CACNA2D3: variants seen among roughly 807,000 people sequenced by gnomAD.
CACNA2D3 encodes voltage-dependent calcium channel subunit alpha-2/delta-3.
In CACNA2D3, 60 loss-of-function variants were observed where a neutral mutation model predicts 160.6. The observed-to-expected ratio is 0.37, with a 90% CI of 0.30 to 0.46. CACNA2D3 has a LOEUF of 0.46. Ranked by LOEUF, CACNA2D3 falls within the 20% of genes least tolerant of loss-of-function variation. The pLI, the probability that CACNA2D3 is intolerant of heterozygous loss-of-function variation, is 1.00. For synonymous variants in CACNA2D3, 558 were observed against 492.9 expected (o/e 1.13, Z -1.75); for missense variants, 1,205 against 1,365.0 (o/e 0.88, Z 1.85).
chr3:54,917,681 C>T (rs17054551), intron 27 of CACNA2D3, among the ~76,000 whole-genome samples: 19,443 of 152,224 alleles, frequency 0.13, 1,269 homozygotes, highest in Middle Eastern at 0.16. Context: ...GTTCCAATCC[C>T]TTGGTGGATA....
intron 4 of CACNA2D3, 58 bp from the exon 5 acceptor site, chr3:54,503,434 T>C: frequency 6.6e-7 from 1 of 1,520,866 alleles, no homozygotes; most frequent in South Asian, 1.1e-5. Flanking sequence ...CAGGTCTAAG[T>C]GAGTTCACAG....
At chr3:54,127,323 T>G (rs2107246896) in intron 2 of CACNA2D3, among the ~76,000 whole-genome samples, 1 of 152,358 alleles carries the variant, frequency 6.6e-6, no homozygotes, top group South Asian at 2.1e-4. Context: ...GTTTTTTACA[T>G]TATCAACTAT....
chr3:54,720,959 C>T (rs1337685678), intron 11 of CACNA2D3, among the ~76,000 whole-genome samples: 1 of 152,044 alleles, frequency 6.6e-6, no homozygotes, highest in Non-Finnish European at 1.5e-5. Flanking sequence ...TTTAATCTTA[C>T]CTATAATCTT....
intron 4 of CACNA2D3, among the ~76,000 whole-genome samples, chr3:54,415,524 T>A (rs139125403): frequency 3.8e-4 from 58 of 152,328 alleles, no homozygotes; most frequent in African/African-American, 1.3e-3. Context: ...TTCTTCCAAT[T>A]AAAAATTATT....
rs534949055 is a variant in CACNA2D3 at position 54,971,979 on chromosome 3, A to G, written c.2556+2135A>G. ...GGTATGGCTCCTGGAAATGATAAGC[A>G]TTCAATAAATGTTGTTTATAAATTT... is the stretch of plus-strand genomic sequence containing the variant. On this transcript the variant is annotated intron_variant, in intron 29 of 37. Transcript: ENST00000474759. 1.3e-4 allele frequency among the ~76,000 whole-genome samples: 20 copies of G among 151,766 alleles called. No individual in the cohort carries two copies. The South Asian group carries it at 2.5e-3, about 19-fold the overall frequency.
intron 3 of CACNA2D3, among the ~76,000 whole-genome samples, chr3:54,333,381 T>C (rs1259061265): frequency 6.6e-6 from 1 of 152,060 alleles, no homozygotes; most frequent in Non-Finnish European, 1.5e-5. Flanking sequence ...TCTGCACTGC[T>C]CATTGGCCGC....
At chr3:54,728,261 T>G (rs1575444473) in intron 11 of CACNA2D3, among the ~76,000 whole-genome samples, 1 of 152,284 alleles carries the variant, frequency 6.6e-6, no homozygotes, top group South Asian at 2.1e-4. Context: ...TTTTGCTTCT[T>G]CTTTGTTGTC....
chr3:54,674,612 G>GTT (rs1700208998), intron 11 of CACNA2D3, among the ~76,000 whole-genome samples: 1 of 152,282 alleles, frequency 6.6e-6, no homozygotes, highest in South Asian at 2.1e-4. Flanking sequence ...GGTTTAAAGG[G>GTT]TTGGGGTTCA....
At chr3:54,645,141 C>T (rs76251914) in intron 11 of CACNA2D3, among the ~76,000 whole-genome samples, 1 of 152,170 alleles carries the variant, frequency 6.6e-6, no homozygotes, top group Non-Finnish European at 1.5e-5. Context: ...AGGAAACTTA[C>T]AATCATGGCA....
chr3:54,132,048 A>G (rs565808750), intron 2 of CACNA2D3, among the ~76,000 whole-genome samples: 2 of 152,262 alleles, frequency 1.3e-5, no homozygotes, highest in Non-Finnish European at 2.9e-5. Context: ...CGCGAGTCAT[A>G]ACATCCAGCT....
intron 35 of CACNA2D3, among the ~76,000 whole-genome samples, chr3:55,027,014 C>T (rs1397765445): frequency 6.6e-6 from 1 of 152,200 alleles, no homozygotes; most frequent in Non-Finnish European, 1.5e-5. Context: ...CACGCACACA[C>T]GCTGGTCCTA....
chr3:54,685,057 G>A (rs1426211249), intron 11 of CACNA2D3, among the ~76,000 whole-genome samples: 3 of 152,158 alleles, frequency 2.0e-5, no homozygotes, highest in Non-Finnish European at 2.9e-5. Context: ...CGTCTTGGCA[G>A]CTGAGACAAA....
chr3:54,688,215 T>G (rs970484186), intron 11 of CACNA2D3, among the ~76,000 whole-genome samples: 4 of 152,218 alleles, frequency 2.6e-5, no homozygotes, highest in African/African-American at 4.8e-5. Flanking sequence ...TTACTTTGTA[T>G]TAATTGGTCA....
intron 11 of CACNA2D3, among the ~76,000 whole-genome samples, chr3:54,693,534 T>C (rs188969403): frequency 6.6e-6 from 1 of 152,348 alleles, no homozygotes. Flanking sequence ...TATCATTATT[T>C]TAGAGTGTAC....
At position 54,883,023 on chromosome 3, in the gene CACNA2D3, C is replaced by CT. The variant is rs1448371870; in HGVS notation, c.1912+2165dup. Reference sequence around the variant, plus strand: ...TTTAATCTTTTTCAACACTTTGTATCTTTTTGTGTGTGTGTGTGATGGAGT... The same window carrying CT: ...TTTAATCTTTTTCAACACTTTGTATCTTTTTTGTGTGTGTGTGTGATGGAGT... On this transcript the variant is annotated intron_variant, in intron 21 of 37. Coordinates refer to ENST00000474759, the MANE Select transcript of CACNA2D3 (RefSeq NM_018398.3). 5.9e-5 allele frequency among the ~76,000 whole-genome samples: 9 copies of CT among 152,090 alleles called. No homozygotes were observed. In the South Asian group the frequency reaches 1.5e-3, roughly 25 times the overall value.
At chr3:54,201,825 TAAAAA>T (rs1230315642) in intron 2 of CACNA2D3, among the ~76,000 whole-genome samples, 1 of 152,164 alleles carries the variant, frequency 6.6e-6, no homozygotes, top group Non-Finnish European at 1.5e-5. Context: ...GACAAAGGTA[TAAAAA>T]CAGGGAACTC....
At chr3:55,012,151 C>CACTT (rs1703224272) in intron 34 of CACNA2D3, among the ~76,000 whole-genome samples, 1 of 152,104 alleles carries the variant, frequency 6.6e-6, no homozygotes, top group South Asian at 2.1e-4. Flanking sequence ...CTGGGCAAGT[C>CACTT]ACTTGGTCTC....
At chr3:54,720,381 A>C (rs970544514) in intron 11 of CACNA2D3, among the ~76,000 whole-genome samples, 14 of 152,072 alleles carry the variant, frequency 9.2e-5, no homozygotes, top group Non-Finnish European at 1.3e-4. Context: ...GTATTATTTA[A>C]TTCTGAAACA....
At position 54,562,951 on chromosome 3, in the gene CACNA2D3, C is replaced by G. The variant is rs754532820; in HGVS notation, c.676+20C>G. 1.9e-6 allele frequency: 3 copies of G among 1,609,010 alleles called. No homozygotes were observed. The highest frequency in any genetic ancestry group is 2.6e-6 in the Non-Finnish European group (3 of 1,176,428). On this transcript the variant is annotated intron_variant, in intron 6 of 37. Coordinates refer to ENST00000474759, the MANE Select transcript of CACNA2D3 (RefSeq NM_018398.3). ...ATCCGGGTGAGTATACCTGCATTGA[C>G]AGTTATGACTCAGATTAATGATAAC... is the stretch of plus-strand genomic sequence containing the variant.
Sources: gnomAD v4.1 joint callset for allele counts (sites outside exome capture counted in the v4.1 genomes callset) on GRCh38, gnomAD v4.1.1 for gene constraint, MANE v1.5 for transcripts, NCBI Gene and HGNC (gene_info 2026-07-23, HGNC 2026-07-21) for gene names.